CTDSPL: variants seen among roughly 807,000 people sequenced by gnomAD.
CTDSPL encodes the protein CTD small phosphatase like, also known as CTD small phosphatase-like protein.
In CTDSPL, 8 loss-of-function variants were observed where a neutral mutation model predicts 30.5. The ratio of observed to expected loss-of-function variants is 0.26; its 90% confidence interval spans 0.15 to 0.47. The LOEUF (loss-of-function observed/expected upper bound fraction) is 0.47, where lower values mean the gene tolerates loss of function less well. Ranked by LOEUF, CTDSPL falls within the 20% of genes least tolerant of loss-of-function variation. CTDSPL has a pLI of 0.99. For missense variants in CTDSPL, 248 were observed against 366.1 expected (o/e 0.68, Z 2.63); for synonymous variants, 110 against 137.9 (o/e 0.80, Z 1.42).
chr3:37,879,987 G>A (rs1471201394), intron 1 of CTDSPL, among the ~76,000 whole-genome samples: 1 of 151,470 alleles, frequency 6.6e-6, no homozygotes, highest in Admixed American at 6.6e-5. Flanking sequence ...CCAAGTGCTT[G>A]GGATGCATGT....
chr3:37,888,184 AT>A (rs1215585092), intron 1 of CTDSPL, among the ~76,000 whole-genome samples: 1 of 152,158 alleles, frequency 6.6e-6, no homozygotes, highest in African/African-American at 2.4e-5. Context: ...ATCTCCTGAC[AT>A]TTACTGTCAG....
chr3:37,877,536 A>C (rs1205606352), intron 1 of CTDSPL, among the ~76,000 whole-genome samples: 1 of 152,122 alleles, frequency 6.6e-6, no homozygotes, highest in Non-Finnish European at 1.5e-5. Flanking sequence ...TGTTTTCGTG[A>C]TTGTGAATTA....
chr3:37,958,977 G>T (rs1209948542), intron 3 of CTDSPL, among the ~76,000 whole-genome samples: 1 of 152,192 alleles, frequency 6.6e-6, no homozygotes, highest in Non-Finnish European at 1.5e-5. Flanking sequence ...AAAGGCGCCA[G>T]GTTGCATAAG....
At chr3:37,899,152 G>A (rs1200826884) in intron 1 of CTDSPL, among the ~76,000 whole-genome samples, 2 of 152,176 alleles carry the variant, frequency 1.3e-5, no homozygotes, top group African/African-American at 4.8e-5. Context: ...GATACCCTGG[G>A]CTGGAACCCA....
At chr3:37,899,663 GAGGCC>G (rs1698427275) in intron 1 of CTDSPL, among the ~76,000 whole-genome samples, 1 of 152,178 alleles carries the variant, frequency 6.6e-6, no homozygotes, top group Non-Finnish European at 1.5e-5. Context: ...AGAAAGTGAG[GAGGCC>G]AGGACATTGC....
chr3:37,878,683 TA>T (rs1481931788), intron 1 of CTDSPL, among the ~76,000 whole-genome samples: 4 of 152,164 alleles, frequency 2.6e-5, no homozygotes, highest in Non-Finnish European at 5.9e-5. Flanking sequence ...ATTTTGCAAT[TA>T]GGGGGACTCT....
chr3:37,893,051 G>A (rs1313797651), intron 1 of CTDSPL, among the ~76,000 whole-genome samples: 2 of 152,192 alleles, frequency 1.3e-5, no homozygotes, highest in Non-Finnish European at 2.9e-5. Flanking sequence ...AAGGGAATTG[G>A]GACAAACATA....
intron 1 of CTDSPL, among the ~76,000 whole-genome samples, chr3:37,886,427 C>T (rs149528404): frequency 1.9e-4 from 29 of 152,262 alleles, no homozygotes; most frequent in Non-Finnish European, 3.2e-4. Context: ...TGCCAGTTGT[C>T]GAGGTCCCAT....
At chr3:37,908,106 C>G (rs1290707158) in intron 1 of CTDSPL, among the ~76,000 whole-genome samples, 1 of 152,208 alleles carries the variant, frequency 6.6e-6, no homozygotes, top group East Asian at 1.9e-4. Flanking sequence ...CAAAAGTACC[C>G]TTTGTAGGGT....
At chr3:37,941,419 C>CTT (rs770518070) in intron 1 of CTDSPL, among the ~76,000 whole-genome samples, 5 of 139,446 alleles carry the variant, frequency 3.6e-5, no homozygotes, top group Non-Finnish European at 6.4e-5. Context: ...ATCTTTTTTT[C>CTT]TTTTTTTTTT....
chr3:37,902,506 C>T (rs910709341), intron 1 of CTDSPL, among the ~76,000 whole-genome samples: 2 of 152,076 alleles, frequency 1.3e-5, no homozygotes, highest in African/African-American at 4.8e-5. Context: ...CAGGAGTCTT[C>T]CTAGGTACCT....
At chr3:37,972,096 C>A (rs1263241188) in intron 6 of CTDSPL, among the ~76,000 whole-genome samples, 1 of 152,210 alleles carries the variant, frequency 6.6e-6, no homozygotes, top group African/African-American at 2.4e-5. Context: ...GTCTGGCTCA[C>A]ATACAGCAAG....
chr3:37,900,857 G>A (rs750536362), intron 1 of CTDSPL, among the ~76,000 whole-genome samples: 4 of 152,074 alleles, frequency 2.6e-5, no homozygotes, highest in Non-Finnish European at 5.9e-5. Context: ...GGAGTGCAGT[G>A]GCACAATCTC....
intron 1 of CTDSPL, among the ~76,000 whole-genome samples, chr3:37,882,044 A>G (rs534910616): frequency 1.9e-4 from 29 of 152,330 alleles, no homozygotes; most frequent in Admixed American, 1.2e-3. Flanking sequence ...GTGGTGGCTC[A>G]CGCCTGTAGT....
chr3:37,944,354 C>T (rs1386517710), intron 1 of CTDSPL, among the ~76,000 whole-genome samples: 2 of 150,334 alleles, frequency 1.3e-5, no homozygotes, highest in Non-Finnish European at 3.0e-5. Context: ...AACTTTTTCA[C>T]CTAATGTTAT....
At chr3:37,890,304 A>G (rs186590457) in intron 1 of CTDSPL, among the ~76,000 whole-genome samples, 3 of 152,370 alleles carry the variant, frequency 2.0e-5, no homozygotes, top group East Asian at 3.9e-4. Flanking sequence ...AGGGAGTTGT[A>G]CAAGGGAAAA....
chr3:37,873,613 C>T (rs1328800655), intron 1 of CTDSPL, among the ~76,000 whole-genome samples: 1 of 152,202 alleles, frequency 6.6e-6, no homozygotes, highest in African/African-American at 2.4e-5. Context: ...CGTATGTCTA[C>T]TCCATCTTCT....
chr3:37,967,853 C>A lies in CTDSPL; in HGVS notation c.397C>A (p.Pro133Thr). Residue 133 changes from proline to threonine, a missense_variant, in exon 5 of 8, where the codon CCG becomes ACG. Pro to Thr is a conservative substitution (Grantham distance 38). Coordinates refer to ENST00000273179, the MANE Select transcript of CTDSPL (RefSeq NM_001008392.2). ...KPISNADFIV[P>T]VEIDGTIHQV... is the part of the protein sequence containing the mutation. The stretch of plus-strand genomic sequence containing the variant: ...TATTAGTAATGCTGATTTTATTGTT[C>A]CGGTTGAAATCGATGGAACTATACA... The A allele has an allele frequency of 1.3e-6, 2 of 1,599,686 alleles. No individual in the cohort carries two copies. The highest frequency in any genetic ancestry group is 1.7e-6 in the Non-Finnish European group (2 of 1,175,650).
intron 3 of CTDSPL, 108 bp from the exon 4 acceptor site, chr3:37,964,463 C>T (rs1575320580): frequency 3.0e-6 from 2 of 672,718 alleles, no homozygotes; most frequent in East Asian, 2.6e-5. Context: ...TTAATAAAAG[C>T]CCATTATACG....
Sources: gnomAD v4.1 joint callset for allele counts (sites outside exome capture counted in the v4.1 genomes callset) on GRCh38, gnomAD v4.1.1 for gene constraint, MANE v1.5 for transcripts, NCBI Gene and HGNC (gene_info 2026-07-23, HGNC 2026-07-21) for gene names.